Variants in CATSPERT observed in about 807,000 individuals in gnomAD.
The protein encoded by CATSPERT is catsper channel auxiliary subunit tau, also known as cation channel sperm-associated targeting subunit tau.
At chr2:201,512,948 G>A in the CATSPERT span, among the ~76,000 whole-genome samples, 312 of 150,782 alleles carry the variant, frequency 2.1e-3, no homozygotes, top group Middle Eastern at 6.8e-3. Context: ...GGGGGAGGAG[G>A]GAGGGATAGC....
At chr2:201,520,714 C>T in the CATSPERT span, among the ~76,000 whole-genome samples, 2 of 151,974 alleles carry the variant, frequency 1.3e-5, no homozygotes, top group East Asian at 1.9e-4. Flanking sequence ...ATGGTGAAAC[C>T]CCATCTCTAC....
the CATSPERT span, chr2:201,550,170 CA>C: frequency 1.3e-5 from 2 of 152,122 alleles, no homozygotes; most frequent in Admixed American, 6.6e-5. Flanking sequence ...TTAAATCAAG[CA>C]ACTCTAACAT....
At chr2:201,543,671 A>C in the CATSPERT span, among the ~76,000 whole-genome samples, 1 of 152,120 alleles carries the variant, frequency 6.6e-6, no homozygotes, top group Non-Finnish European at 1.5e-5. Flanking sequence ...TAGTGTATAG[A>C]AACAAAACTG....
the CATSPERT span, among the ~76,000 whole-genome samples, chr2:201,488,642 G>C: frequency 1.3e-5 from 2 of 152,136 alleles, no homozygotes; most frequent in Admixed American, 1.3e-4. Flanking sequence ...AGTTTGAGCA[G>C]CTCATCTCAT....
chr2:201,570,996 G>A, the CATSPERT span, among the ~76,000 whole-genome samples: 2 of 152,036 alleles, frequency 1.3e-5, no homozygotes. Context: ...GCTCTTGAAG[G>A]GCTTTTATTC....
At chr2:201,490,147 G>A in the CATSPERT span, among the ~76,000 whole-genome samples, 1 of 152,064 alleles carries the variant, frequency 6.6e-6, no homozygotes, top group Non-Finnish European at 1.5e-5. Flanking sequence ...GTGAGCCACC[G>A]CGCCTGGCCT....
chr2:201,507,367 A>G, the CATSPERT span, among the ~76,000 whole-genome samples: 5 of 152,192 alleles, frequency 3.3e-5, no homozygotes, highest in Non-Finnish European at 7.3e-5. Context: ...AGGTTACTGA[A>G]TTTTCCTGGA....
chr2:201,494,738 C>A, the CATSPERT span: 1 of 1,504,028 alleles, frequency 6.6e-7, no homozygotes, highest in Non-Finnish European at 8.8e-7. Flanking sequence ...GGATCAAAAC[C>A]GTTCTTGTTG....
chr2:201,563,749 AG>A, the CATSPERT span, among the ~76,000 whole-genome samples: 1 of 152,198 alleles, frequency 6.6e-6, no homozygotes, highest in African/African-American at 2.4e-5. Context: ...TGTAATTCTG[AG>A]CTAGGTTATT....
At chr2:201,553,077 C>T in the CATSPERT span, 1 of 152,140 alleles carries the variant, frequency 6.6e-6, no homozygotes, top group South Asian at 2.1e-4. Context: ...ATTAATCATT[C>T]AAAAATGCCT....
At chr2:201,574,333 G>A in the CATSPERT span, 3 of 1,384,114 alleles carry the variant, frequency 2.2e-6, no homozygotes, top group Non-Finnish European at 3.0e-6. Flanking sequence ...ATGGAGAAGG[G>A]ACAAAAAGTG....
chr2:201,581,616 A>C, the CATSPERT span, among the ~76,000 whole-genome samples: 1 of 110,994 alleles, frequency 9.0e-6, no homozygotes. Context: ...TCTGGAAAAT[A>C]TTTTTTTTCC....
chr2:201,519,261 G>C, the CATSPERT span, among the ~76,000 whole-genome samples: 1 of 152,068 alleles, frequency 6.6e-6, no homozygotes, highest in African/African-American at 2.4e-5. Flanking sequence ...AATGACACAA[G>C]CACAGATTAC....
chr2:201,516,785 C>T, the CATSPERT span, among the ~76,000 whole-genome samples: 2 of 133,146 alleles, frequency 1.5e-5, no homozygotes, highest in African/African-American at 2.7e-5. Context: ...GACTCACCTG[C>T]GTATGGGGGT....
At chr2:201,598,738 C>T in the CATSPERT span, among the ~76,000 whole-genome samples, 3,702 of 152,160 alleles carry the variant, frequency 0.024, 209 homozygotes, top group East Asian at 0.2. Context: ...TGTGTCACCA[C>T]ACCCAGCTAA....
the CATSPERT span, chr2:201,619,121 G>A: frequency 1.2e-6 from 2 of 1,614,174 alleles, no homozygotes; most frequent in Non-Finnish European, 1.7e-6. Flanking sequence ...GTCTCTTGGG[G>A]TGGCTCCATC....
At chr2:201,504,987 C>T in the CATSPERT span, among the ~76,000 whole-genome samples, 1 of 152,256 alleles carries the variant, frequency 6.6e-6, no homozygotes, top group South Asian at 2.1e-4. Context: ...TGAAGGCACA[C>T]TGTAAACACC....
chr2:201,598,391 C>G, the CATSPERT span, among the ~76,000 whole-genome samples: 1 of 151,912 alleles, frequency 6.6e-6, no homozygotes, highest in South Asian at 2.1e-4. Context: ...AGGCGTGAGC[C>G]ACTATGCTCA....
At chr2:201,491,540 T>G in the CATSPERT span, 1 of 1,536,710 alleles carries the variant, frequency 6.5e-7, no homozygotes, top group South Asian at 1.2e-5. Context: ...TTATTTCCTT[T>G]CAATGTCTGA....
Sources: gnomAD v4.1 joint callset for allele counts (sites outside exome capture counted in the v4.1 genomes callset) on GRCh38, gnomAD v4.1.1 for gene constraint, MANE v1.5 for transcripts, NCBI Gene and HGNC (gene_info 2026-07-23, HGNC 2026-07-21) for gene names.